IQCH: variants seen among roughly 807,000 people sequenced by gnomAD.
IQCH encodes IQ domain-containing protein H.
A neutral mutation model predicts 117.0 loss-of-function variants in IQCH; 98 were observed. The ratio of observed to expected loss-of-function variants is 0.84; its 90% CI spans 0.71 to 0.99. The LOEUF (loss-of-function observed/expected upper bound fraction) is 0.99, where lower values mean the gene tolerates loss of function less well. IQCH is among the 50% of genes least tolerant of loss of function. The pLI, the probability that IQCH is intolerant of heterozygous loss-of-function variation, is 0.00. For missense variants in IQCH, 1,102 were observed against 1,243.8 expected, an observed-to-expected ratio of 0.89 and a Z score of 1.72; for synonymous variants, 412 against 448.2, an observed-to-expected ratio of 0.92 and a Z score of 1.02.
chr15:67,427,143 A>G lies in IQCH; in HGVS notation c.2505+5566A>G, dbSNP rs1279225094. Among the ~76,000 whole-genome samples the G allele has an allele frequency of 2.6e-5, 4 of 152,184 alleles. No individual in the cohort carries two copies. Among genetic ancestry groups the G allele is most frequent in the Non-Finnish European group, 5.9e-5 (4 of 68,020 alleles). On this transcript the variant is annotated intron_variant, in intron 16 of 20. Coordinates refer to ENST00000335894, the MANE Select transcript of IQCH (RefSeq NM_001031715.3). The surrounding 1 kb of genome is among the most constrained non-coding windows in gnomAD (Gnocchi z 4.7). ...TAAAAAATAAATAACTTCTCCAACAATGAGAAACTTGAGTCTTTATCCCTC... is the reference window on the plus strand; with the variant it reads ...TAAAAAATAAATAACTTCTCCAACAGTGAGAAACTTGAGTCTTTATCCCTC...
At chr15:67,399,708 G>A (rs565155004) in intron 13 of IQCH, among the ~76,000 whole-genome samples, 1 of 152,302 alleles carries the variant, frequency 6.6e-6, no homozygotes, top group African/African-American at 2.4e-5. Flanking sequence ...AAGTTTTCAA[G>A]ACTGTAACTC....
At chr15:67,373,732 A>G in intron 10 of IQCH, 1 of 489,280 alleles carries the variant, frequency 2.0e-6, no homozygotes. Context: ...GAAATAACAG[A>G]TAATGTTTTC....
intron 4 of IQCH, among the ~76,000 whole-genome samples, chr15:67,329,326 A>G (rs1251609367): frequency 1.3e-5 from 2 of 152,060 alleles, no homozygotes; most frequent in Non-Finnish European, 1.5e-5. Context: ...TTGTACTTCA[A>G]TAAAATGTTT....
At chr15:67,331,374 A>G (rs1160056801) in intron 4 of IQCH, among the ~76,000 whole-genome samples, 12 of 152,330 alleles carry the variant, frequency 7.9e-5, no homozygotes, top group East Asian at 1.9e-4. Flanking sequence ...AGAATAAAAA[A>G]GGGATATAAG....
Position 67,412,761 on chromosome 15 carries a change from C to T in IQCH, c.2098-4170C>T, listed in dbSNP as rs1350624521. Among the ~76,000 whole-genome samples, 3 of 152,092 alleles carry T rather than the reference C, an allele frequency of 2.0e-5. No individual in the cohort carries two copies. The East Asian group carries it at 5.8e-4, about 29-fold the overall frequency. On this transcript the variant is annotated intron_variant, in intron 14 of 20. Coordinates refer to ENST00000335894, the MANE Select transcript of IQCH (RefSeq NM_001031715.3). ...CTGTTGCTGGCTTATAACAGATATT[C>T]AATATATATACACTTTGGGAAGATA... is the stretch of plus-strand genomic sequence containing the variant.
chr15:67,256,522 G>C (rs1292397965), intron 1 of IQCH, among the ~76,000 whole-genome samples: 1 of 152,216 alleles, frequency 6.6e-6, no homozygotes, highest in Non-Finnish European at 1.5e-5. Flanking sequence ...AAAGCCCACA[G>C]ACAAAGACAC....
intron 3 of IQCH, among the ~76,000 whole-genome samples, chr15:67,263,733 C>G (rs1362538675): frequency 6.6e-6 from 1 of 152,108 alleles, no homozygotes. Flanking sequence ...TTTAGAATGT[C>G]TTATGTGCTT....
intron 4 of IQCH, among the ~76,000 whole-genome samples, chr15:67,332,742 C>T (rs1968719270): frequency 6.6e-6 from 1 of 152,124 alleles, no homozygotes; most frequent in Admixed American, 6.6e-5. Flanking sequence ...AATTTTCTCA[C>T]CATTTGAAGC....
chr15:67,410,837 A>G (rs1281700478), intron 14 of IQCH, among the ~76,000 whole-genome samples: 1 of 152,212 alleles, frequency 6.6e-6, no homozygotes, highest in East Asian at 1.9e-4. Context: ...TGTGGATGAT[A>G]TAATCCAGCC....
At chr15:67,262,365 A>G (rs1239480682) in intron 2 of IQCH, among the ~76,000 whole-genome samples, 2 of 152,168 alleles carry the variant, frequency 1.3e-5, no homozygotes, top group Non-Finnish European at 2.9e-5. Context: ...TCTTATTTTC[A>G]GTGTCTCTGC....
chr15:67,293,828 A>T (rs1347929268), intron 4 of IQCH, among the ~76,000 whole-genome samples: 1 of 152,186 alleles, frequency 6.6e-6, no homozygotes, highest in Non-Finnish European at 1.5e-5. Context: ...GAAAGACCCT[A>T]AATTATGAGT....
Position 67,426,061 on chromosome 15 carries a change from A to ATGCT in IQCH, c.2505+4484_2505+4485insTGCT, listed in dbSNP as rs1261460715. 1.3e-5 allele frequency among the ~76,000 whole-genome samples: 2 copies of ATGCT among 152,150 alleles called. No homozygotes were observed. Among genetic ancestry groups the ATGCT allele is most frequent in the Non-Finnish European group, 1.5e-5 (1 of 68,036 alleles). On this transcript the variant is annotated intron_variant, in intron 16 of 20. Coordinates refer to ENST00000335894, the MANE Select transcript of IQCH (RefSeq NM_001031715.3). This position sits in a 1 kb window ranked among gnomAD's most constrained non-coding sequence, Gnocchi z 5.1. ...CTTTGAGCATGTCTTACTTTCTGAC[A>ATGCT]CAATAAGATGTTCCAGGCTCATTTT...
rs1474931849 is a variant in IQCH at position 67,490,954 on chromosome 15, T to C, written c.2861+890T>C. ...ATTTTAGAGCTACAACCTTGAGTCA[T>C]CTCTTATTTCATATCTTGGCACATG... On this transcript the variant is annotated intron_variant, in intron 19 of 20. Coordinates refer to ENST00000335894, the MANE Select transcript of IQCH (RefSeq NM_001031715.3). This position sits in a 1 kb window ranked among gnomAD's most constrained non-coding sequence, Gnocchi z 4.9. Among the ~76,000 whole-genome samples, 1 of 152,220 alleles carries C rather than the reference T, an allele frequency of 6.6e-6. No individual in the cohort carries two copies. The highest frequency in any genetic ancestry group is 1.5e-5 in the Non-Finnish European group (1 of 68,040).
chr15:67,268,196 A>G (rs535371863), intron 3 of IQCH, among the ~76,000 whole-genome samples: 32 of 152,340 alleles, frequency 2.1e-4, no homozygotes, highest in African/African-American at 7.5e-4. Flanking sequence ...TTAAGGGAAA[A>G]TCTGGTCGTT....
intron 3 of IQCH, among the ~76,000 whole-genome samples, chr15:67,273,777 A>G (rs540013767): frequency 7.2e-5 from 11 of 152,144 alleles, no homozygotes; most frequent in East Asian, 5.8e-4. Flanking sequence ...TTACCTTCCA[A>G]TGTTTTCTCT....
intron 16 of IQCH, among the ~76,000 whole-genome samples, chr15:67,460,657 T>C (rs1336824716): frequency 6.6e-6 from 1 of 152,228 alleles, no homozygotes; most frequent in Non-Finnish European, 1.5e-5. Context: ...AAGTGACCTT[T>C]AATCAGTCAA....
intron 10 of IQCH, chr15:67,373,884 T>A (rs894137612): frequency 9.6e-6 from 2 of 208,974 alleles, no homozygotes; most frequent in African/African-American, 4.8e-5. Context: ...TATTTAGTTC[T>A]AATTACGAGC....
rs1261762564 is a variant in IQCH, at chr15:67,454,456, A to G, written c.2506-10671A>G. ...TCACACTTTTAAAATATACATTACA[A>G]TGGTTTTTAGTATATTCACAGAGTT... On this transcript the variant is annotated intron_variant, in intron 16 of 20. Coordinates refer to ENST00000335894, the MANE Select transcript of IQCH (RefSeq NM_001031715.3). The surrounding 1 kb of genome is among the most constrained non-coding windows in gnomAD (Gnocchi z 5.2). Among the ~76,000 whole-genome samples the G allele has an allele frequency of 6.6e-6, 1 of 152,136 alleles. No individual in the cohort carries two copies. The highest frequency in any genetic ancestry group is 1.9e-4 in the East Asian group (1 of 5,192).
At position 67,411,999 on chromosome 15, in the gene IQCH, C is replaced by T. The variant is rs955324016; in HGVS notation, c.2098-4932C>T. Among the ~76,000 whole-genome samples the T allele has an allele frequency of 6.6e-6, 1 of 152,130 alleles. No individual in the cohort carries two copies. The highest frequency in any genetic ancestry group is 1.5e-5 in the Non-Finnish European group (1 of 68,030). On this transcript the variant is annotated intron_variant, in intron 14 of 20. Transcript: ENST00000335894. This position sits in a 1 kb window ranked among gnomAD's most constrained non-coding sequence, Gnocchi z 4.4. ...CAACGTCCTGACGATTGTTGATGCA[C>T]TCTGAGAGGTAAATGTGGGCACTGG... is the stretch of plus-strand genomic sequence containing the variant.
Sources: allele counts gnomAD v4.1 joint callset (sites outside exome capture counted in the v4.1 genomes callset), GRCh38; gene constraint gnomAD v4.1.1; non-coding constraint Gnocchi (gnomAD v3.1); transcripts MANE v1.5; gene names NCBI Gene and HGNC (gene_info 2026-07-23, HGNC 2026-07-21).